The following RTN4R variants were observed in gnomAD, a reference collection of about 807,000 sequenced individuals.
The protein encoded by RTN4R is reticulon-4 receptor.
Under a neutral mutation model 27.7 loss-of-function variants are expected in RTN4R, and 4 were observed. That is an observed-to-expected ratio of 0.14 (90% CI 0.07 to 0.33). RTN4R has a LOEUF of 0.33. Ranked by LOEUF, RTN4R falls within the 10% of genes least tolerant of loss-of-function variation. RTN4R has a pLI of 1.00. For missense variants in RTN4R, 554 were observed against 671.5 expected (o/e 0.83, Z 1.93); for synonymous variants, 290 against 305.6 (o/e 0.95, Z 0.53).
At chr22:20,260,394 G>A (rs2145983457) in intron 1 of RTN4R, among the ~76,000 whole-genome samples, 1 of 152,300 alleles carries the variant, frequency 6.6e-6, no homozygotes, top group Admixed American at 6.5e-5. Flanking sequence ...GACTCAAGTG[G>A]AGAGTGTGTG....
At chr22:20,264,343 G>T (rs1363509158) in intron 1 of RTN4R, among the ~76,000 whole-genome samples, 2 of 152,216 alleles carry the variant, frequency 1.3e-5, no homozygotes, top group African/African-American at 4.8e-5. Flanking sequence ...AAGAAGAAAC[G>T]GCAGCACAGA....
intron 1 of RTN4R, among the ~76,000 whole-genome samples, chr22:20,260,856 A>G (rs1602650692): frequency 6.6e-6 from 1 of 152,222 alleles, no homozygotes; most frequent in Middle Eastern, 3.4e-3. Flanking sequence ...CTCCTGCTGG[A>G]ACCCAAACTG....
At chr22:20,249,964 C>T (rs990644843) in intron 1 of RTN4R, among the ~76,000 whole-genome samples, 3 of 152,354 alleles carry the variant, frequency 2.0e-5, no homozygotes, top group African/African-American at 7.2e-5. Context: ...CTGCCCAGCC[C>T]TTCACATTAG....
At chr22:20,263,338 G>T (rs1465833627) in intron 1 of RTN4R, among the ~76,000 whole-genome samples, 1 of 152,176 alleles carries the variant, frequency 6.6e-6, no homozygotes, top group Non-Finnish European at 1.5e-5. Context: ...TCGCATAGGG[G>T]TGCCTCTCAG....
chr22:20,242,084 C>G lies in RTN4R; in HGVS notation c.1049G>C (p.Gly350Ala). 6.2e-7 allele frequency: 1 copy of G among 1,612,520 alleles called. No homozygotes were observed. Among genetic ancestry groups the G allele is most frequent in the Non-Finnish European group, 8.5e-7 (1 of 1,179,764 alleles). ...AADKASVLEP[G>A]RPASAGNALK... The stretch of plus-strand genomic sequence containing the variant: ...CGCATTGCCTGCCGAAGCTGGTCTT[C>G]CAGGCTCCAGTACTGAGGCCTTGTC... Residue 350 changes from glycine to alanine, a missense_variant, in exon 2 of 2, where the codon GGA (glycine) becomes GCA (alanine). Gly to Ala is a moderately conservative substitution (Grantham distance 60, BLOSUM62 0). This residue lies in a region of RTN4R where 413 missense variants were observed against 542.3 expected (regional missense o/e 0.76). Coordinates refer to ENST00000043402, the MANE Select transcript of RTN4R (RefSeq NM_023004.6).
intron 1 of RTN4R, among the ~76,000 whole-genome samples, chr22:20,256,939 C>T (rs1025978135): frequency 5.3e-5 from 8 of 152,244 alleles, no homozygotes; most frequent in African/African-American, 1.9e-4. Context: ...GGTGCCCATT[C>T]CACTCCACAC....
In RTN4R at chr22:20,268,290, A is replaced by G. The variant is rs1013210250; in HGVS notation, c.-198T>C. 0.036 allele frequency: 95 copies of G among 2,662 alleles called. 1 individual carries two copies. Among genetic ancestry groups the G allele is most frequent in the Admixed American group, 0.14 (27 of 188 alleles). 0.2% of individuals were successfully genotyped at this position (2,662 alleles called of 1,614,324 possible). A position where few individuals can be genotyped will look rare whatever the true frequency, so the allele number is the denominator to read the frequency against. ...CGGGTGCGCAGGGCGCGCAGGGCGC[A>G]CAGGGCGAGGGCGGCGGCGGCGCGG... On this transcript the variant is annotated 5_prime_UTR_variant, in exon 1 of 2. Transcript: ENST00000043402.
chr22:20,259,937 TGAAG>T (rs2051235114), intron 1 of RTN4R, among the ~76,000 whole-genome samples: 1 of 152,112 alleles, frequency 6.6e-6, no homozygotes, highest in African/African-American at 2.4e-5. Context: ...GCTAAGAGAA[TGAAG>T]GGAGAAGCAA....
chr22:20,268,050 G>T (rs2051289870), intron 1 of RTN4R, 21 bp downstream of exon 1: 3 of 1,170,454 alleles, frequency 2.6e-6, no homozygotes, highest in Non-Finnish European at 3.2e-6. Flanking sequence ...GGCCGGGCTC[G>T]GGTGCAGCGC....
In RTN4R at chr22:20,241,980, C is replaced by G; in HGVS notation, c.1153G>C (p.Gly385Arg). 6.2e-7 allele frequency: 1 copy of G among 1,610,162 alleles called. No homozygotes were observed. Among genetic ancestry groups the G allele is most frequent in the Non-Finnish European group, 8.5e-7 (1 of 1,179,868 alleles). Reference sequence around the variant, plus strand: ...GGCTCAGCAGAGCCAGGCAGAGTCCCAAAGGGTGAGTCATTGATGTGCCGT... The same window carrying G: ...GGCTCAGCAGAGCCAGGCAGAGTCCGAAAGGGTGAGTCATTGATGTGCCGT... ...GPRHINDSPF[G>R]TLPGSAEPPL... The change falls in exon 2 of 2, where the codon GGG becomes CGG. Residue 385 changes from glycine (G) to arginine (R), a missense_variant. Around this residue, in one of 2 missense-constraint regions of RTN4R, gnomAD observed 141 missense variants for 129.2 expected, o/e 1.09. Coordinates refer to ENST00000043402, the MANE Select transcript of RTN4R (RefSeq NM_023004.6).
At chr22:20,253,169 G>C (rs1360739321) in intron 1 of RTN4R, among the ~76,000 whole-genome samples, 2 of 152,212 alleles carry the variant, frequency 1.3e-5, no homozygotes, top group Non-Finnish European at 2.9e-5. Flanking sequence ...GCTGGAAGAG[G>C]GGGCAGCAGC....
intron 1 of RTN4R, among the ~76,000 whole-genome samples, chr22:20,260,063 G>C (rs949664621): frequency 1.3e-5 from 2 of 152,152 alleles, no homozygotes; most frequent in African/African-American, 4.8e-5. Context: ...CTCCCCAGGG[G>C]ACACTTGGGG....
chr22:20,258,083 G>A (rs2051222120), intron 1 of RTN4R, among the ~76,000 whole-genome samples: 1 of 152,158 alleles, frequency 6.6e-6, no homozygotes, highest in Admixed American at 6.5e-5. Flanking sequence ...ACCCCCGGAG[G>A]GACCACCATC....
chr22:20,262,042 G>A (rs1202825636), intron 1 of RTN4R, among the ~76,000 whole-genome samples: 9 of 152,336 alleles, frequency 5.9e-5, no homozygotes, highest in East Asian at 3.9e-4. Flanking sequence ...AGCCGGGGCC[G>A]GCTGTGGCCA....
At chr22:20,256,182 C>T (rs905056938) in intron 1 of RTN4R, among the ~76,000 whole-genome samples, 5 of 152,178 alleles carry the variant, frequency 3.3e-5, no homozygotes, top group Non-Finnish European at 5.9e-5. Flanking sequence ...CTCCGGGAGG[C>T]GGGGCAGTCC....
At chr22:20,252,503 C>G (rs2051190089) in intron 1 of RTN4R, among the ~76,000 whole-genome samples, 1 of 152,348 alleles carries the variant, frequency 6.6e-6, no homozygotes, top group East Asian at 1.9e-4. Flanking sequence ...ACCCACTCCT[C>G]AGATGAGGCA....
chr22:20,249,147 G>C (rs1454986719), intron 1 of RTN4R: 4 of 534,216 alleles, frequency 7.5e-6, no homozygotes, highest in Non-Finnish European at 1.5e-5. Flanking sequence ...CTCCACCAAG[G>C]GCTCATCTTG....
chr22:20,250,056 C>G (rs374506250), intron 1 of RTN4R, among the ~76,000 whole-genome samples: 3 of 152,314 alleles, frequency 2.0e-5, no homozygotes, highest in East Asian at 3.9e-4. Context: ...CCAGGCAGGG[C>G]CAGTGGGATC....
chr22:20,255,831 C>T lies in RTN4R; in HGVS notation c.22+12240G>A, dbSNP rs143639051. The stretch of plus-strand genomic sequence containing the variant: ...CTAGCACTGGGGTGGGTGTGCAGCC[C>T]CCAGCCTCCTTTCTGACCGTGCACA... On this transcript the variant is annotated intron_variant, in intron 1 of 1. Coordinates refer to ENST00000043402, the MANE Select transcript of RTN4R (RefSeq NM_023004.6). This position sits in a 1 kb window ranked among gnomAD's most constrained non-coding sequence, Gnocchi z 4.8. Among the ~76,000 whole-genome samples the T allele has an allele frequency of 5.0e-4, 76 of 152,320 alleles. No homozygotes were observed. Among genetic ancestry groups the T allele is most frequent in the Non-Finnish European group, 8.4e-4 (57 of 68,030 alleles).
Sources: gnomAD v4.1 joint callset for allele counts (sites outside exome capture counted in the v4.1 genomes callset) on GRCh38, gnomAD v4.1.1 for gene constraint, gnomAD v4.1.1 regional missense constraint, Gnocchi (gnomAD v3.1) non-coding constraint, MANE v1.5 for transcripts, NCBI Gene and HGNC (gene_info 2026-07-23, HGNC 2026-07-21) for gene names.